Variants in FUNDC2 observed in about 807,000 individuals in gnomAD.
The protein encoded by FUNDC2 is FUN14 domain-containing protein 2.
Under a neutral mutation model 15.6 loss-of-function variants are expected in FUNDC2, and 4 were observed. The observed-to-expected ratio is 0.26, with a 90% CI of 0.13 to 0.59. The LOEUF is 0.59. Ranked by LOEUF, FUNDC2 falls within the 20% of genes least tolerant of loss-of-function variation. The pLI, the probability that FUNDC2 is intolerant of heterozygous loss-of-function variation, is 0.90. For missense variants in FUNDC2, 98 were observed against 149.7 expected (o/e 0.65, Z 1.80); for synonymous variants, 44 against 56.9 (o/e 0.77, Z 1.02).
At chrX:155,032,998 C>T (rs970705704) in intron 1 of FUNDC2, 2 of 116,361 alleles carry the variant, frequency 1.7e-5, no homozygotes, top group Admixed American at 8.8e-5. Context: ...AGGTGCCTGC[C>T]ACCACGCCTG....
chrX:155,054,274 CTG>C, intron 4 of FUNDC2: 1 of 753,640 alleles, frequency 1.3e-6, no homozygotes, highest in Non-Finnish European at 1.6e-6. Context: ...TTCGCCATAA[CTG>C]TCCCCATGAA....
intron 2 of FUNDC2, among the ~76,000 whole-genome samples, chrX:155,035,921 A>G (rs1460252515): frequency 8.9e-6 from 1 of 112,302 alleles, no homozygotes; most frequent in Non-Finnish European, 1.9e-5. Flanking sequence ...CCTTTGATGG[A>G]CATTTGAGTT....
rs2073904555 is a variant in FUNDC2 at position 155,057,026 on chromosome X, CAGG to C, written c.*2355_*2357del. The C allele has an allele frequency of 9.9e-6, 1 of 101,344 alleles. No homozygotes were observed. The highest frequency in any genetic ancestry group is 2.1e-5 in the Non-Finnish European group (1 of 47,855). 8.4% of individuals were successfully genotyped at this position (101,344 alleles called of 1,213,427 possible). On this transcript the variant is annotated 3_prime_UTR_variant, in exon 5 of 5. Transcript: ENST00000369498. ...AGGGTCATGGTTGAGGTCAGTATTGCAGGTTGGCCTCATCCTGCTAGTATGAGA... is the reference window on the plus strand; with the variant it reads ...AGGGTCATGGTTGAGGTCAGTATTGCTTGGCCTCATCCTGCTAGTATGAGA...
chrX:155,047,331 G>A (rs1316363905), intron 3 of FUNDC2: 1 of 340,905 alleles, frequency 2.9e-6, no homozygotes, highest in African/African-American at 2.7e-5. Flanking sequence ...AATCATGCCA[G>A]AGTCTCTGAA....
At chrX:155,035,077 C>T (rs1557289059) in intron 2 of FUNDC2, among the ~76,000 whole-genome samples, 1 of 111,816 alleles carries the variant, frequency 8.9e-6, no homozygotes. Context: ...TTTTATCAAT[C>T]TTAACCTTAA....
At chrX:155,051,428 G>A (rs2073879252) in intron 3 of FUNDC2, 1 of 338,792 alleles carries the variant, frequency 3.0e-6, no homozygotes, top group South Asian at 4.6e-5. Context: ...TTTGTAAAAG[G>A]GTTGTAAGAG....
chrX:155,049,846 C>T (rs1325419354), intron 3 of FUNDC2: 2 of 112,344 alleles, frequency 1.8e-5, no homozygotes, highest in African/African-American at 3.2e-5. Flanking sequence ...TTTTTGCACC[C>T]ATTGTTGTAA....
chrX:155,056,470 A>C lies in FUNDC2; in HGVS notation c.*1798A>C, dbSNP rs941901302. ...TTGAATCAAAATTCATGCAAGGTTC[A>C]CATCGTATTTGCATGATTTGGATAA... On this transcript the variant is annotated 3_prime_UTR_variant, in exon 5 of 5. Coordinates refer to ENST00000369498, the MANE Select transcript of FUNDC2 (RefSeq NM_023934.4). 18 of 111,080 alleles carry C rather than the reference A, an allele frequency of 1.6e-4. No individual in the cohort carries two copies. Among genetic ancestry groups the C allele is most frequent in the Non-Finnish European group, 3.0e-4 (16 of 53,050 alleles). The allele number at this position is 111,080 out of a possible 1,213,427, so 9.2% of individuals were successfully genotyped here.
At chrX:155,042,068 C>CAAAAAAAAA (rs781894363) in intron 2 of FUNDC2, among the ~76,000 whole-genome samples, 52 of 22,367 alleles carry the variant, frequency 2.3e-3, no homozygotes, top group African/African-American at 6.9e-3. Context: ...GACTCCGTCT[C>CAAAAAAAAA]AAAAAAAAAA....
intron 4 of FUNDC2, 169 bp from the exon 5 acceptor site, chrX:155,054,420 AATTATT>A (rs782565743): frequency 1.3e-6 from 1 of 747,151 alleles, no homozygotes; most frequent in South Asian, 6.9e-5. Flanking sequence ...AAGTCTATTT[AATTATT>A]ATTAAATAGA....
rs2073902627 is a variant in FUNDC2 at position 155,056,943 on chromosome X, GA to G, written c.*2272del. On this transcript the variant is annotated 3_prime_UTR_variant, in exon 5 of 5. Coordinates refer to ENST00000369498, the MANE Select transcript of FUNDC2 (RefSeq NM_023934.4). ...ACTGTATTCTGATTGTCTGAATTAA[GA>G]TCTGTAGGTAGGTCCCTCCTGAAGT... is the stretch of plus-strand genomic sequence containing the variant. 9.1e-6 allele frequency: 1 copy of G among 110,170 alleles called. No homozygotes were observed. Among genetic ancestry groups the G allele is most frequent in the African/African-American group, 3.3e-5 (1 of 30,480 alleles). 9.1% of individuals were successfully genotyped at this position (110,170 alleles called of 1,213,427 possible).
At chrX:155,031,415 C>T (rs1281184325) in intron 1 of FUNDC2, among the ~76,000 whole-genome samples, 3 of 111,772 alleles carry the variant, frequency 2.7e-5, no homozygotes, top group Admixed American at 1.9e-4. Context: ...CTGCAACCTT[C>T]GCTACCCGCG....
At chrX:155,030,655 A>G (rs944976305) in intron 1 of FUNDC2, among the ~76,000 whole-genome samples, 5 of 108,902 alleles carry the variant, frequency 4.6e-5, no homozygotes, top group Non-Finnish European at 9.5e-5. Flanking sequence ...ATCAGATTGA[A>G]GAAATCCCTT....
chrX:155,059,602 T>G lies in FUNDC2; in HGVS notation c.*4930T>G, dbSNP rs1557291427. 1 of 111,867 alleles carries G rather than the reference T, an allele frequency of 8.9e-6. No homozygotes were observed. The highest frequency in any genetic ancestry group is 3.7e-4 in the South Asian group (1 of 2,701). 9.2% of individuals were successfully genotyped at this position (111,867 alleles called of 1,213,427 possible). ...GATGGCTATTTTATTTTTTTGTATG[T>G]CATAATAATACCTAAGAATAAGAAG... On this transcript the variant is annotated 3_prime_UTR_variant, in exon 5 of 5. Coordinates refer to ENST00000369498, the MANE Select transcript of FUNDC2 (RefSeq NM_023934.4).
rs1557291305 is a variant in FUNDC2, at chrX:155,058,219, G to C, written c.*3547G>C. 9.0e-6 allele frequency: 1 copy of C among 111,355 alleles called. No homozygotes were observed. Among genetic ancestry groups the C allele is most frequent in the Non-Finnish European group, 1.9e-5 (1 of 53,082 alleles). 9.2% of individuals were successfully genotyped at this position (111,355 alleles called of 1,213,427 possible). On this transcript the variant is annotated 3_prime_UTR_variant, in exon 5 of 5. Transcript: ENST00000369498. ...ATGCTGGCAGAAGACGATTCAAGTT[G>C]GCGGACTAGATTCTACAAGGAATGA...
intron 2 of FUNDC2, among the ~76,000 whole-genome samples, chrX:155,045,549 T>G (rs2073859662): frequency 8.9e-6 from 1 of 112,242 alleles, no homozygotes; most frequent in Non-Finnish European, 1.9e-5. Flanking sequence ...CAGATGAGAT[T>G]AAAGCTGAGA....
At chrX:155,048,071 T>C (rs192802548) in intron 3 of FUNDC2, among the ~76,000 whole-genome samples, 67 of 111,957 alleles carry the variant, frequency 6.0e-4, no homozygotes, top group African/African-American at 2.1e-3. Context: ...AATATTGCTT[T>C]GAAATGTCTT....
chrX:155,053,770 A>C lies in FUNDC2; in HGVS notation c.493-825A>C, dbSNP rs1482337137. 6 of 733,403 alleles carry C rather than the reference A, an allele frequency of 8.2e-6. No individual in the cohort carries two copies. In the African/African-American group the frequency reaches 1.2e-4, roughly 14 times the overall value. 60.4% of individuals were successfully genotyped at this position (733,403 alleles called of 1,213,427 possible). The stretch of plus-strand genomic sequence containing the variant: ...GGAAGTCACCGTACTTGAGTTCAAG[A>C]AATGATCAGGCCAGGATGTTGGATG... On this transcript the variant is annotated intron_variant, in intron 4 of 4. Transcript: ENST00000369498.
intron 1 of FUNDC2, among the ~76,000 whole-genome samples, chrX:155,028,228 T>C (rs1432877161): frequency 8.9e-6 from 1 of 111,733 alleles, no homozygotes; most frequent in Non-Finnish European, 1.9e-5. Context: ...TCATTGATTT[T>C]GTGGGCTCAT....
Sources: allele counts gnomAD v4.1 joint callset (sites outside exome capture counted in the v4.1 genomes callset), GRCh38; gene constraint gnomAD v4.1.1; transcripts MANE v1.5; gene names NCBI Gene and HGNC (gene_info 2026-07-23, HGNC 2026-07-21).